HACD1: variants seen among roughly 807,000 people sequenced by gnomAD.
The protein encoded by HACD1 is 3-hydroxyacyl-CoA dehydratase 1, also known as very-long-chain (3R)-3-hydroxyacyl-CoA dehydratase 1.
HACD1 carries 41 observed loss-of-function variants against 32.0 expected under a neutral mutation model. That is an observed-to-expected ratio of 1.28 (90% confidence interval 1.00 to 1.66). HACD1 has a LOEUF of 1.66. Ranked by LOEUF, HACD1 falls within the 40% of genes most tolerant of loss-of-function variation. The pLI is 0.00. For synonymous variants in HACD1, 142 were observed against 139.0 expected (o/e 1.02, Z -0.15); for missense variants, 396 against 380.1 (o/e 1.04, Z -0.35).
intron 1 of HACD1, among the ~76,000 whole-genome samples, chr10:17,604,422 T>C (rs1225451866): frequency 1.4e-5 from 2 of 148,014 alleles, no homozygotes; most frequent in Non-Finnish European, 3.0e-5. Flanking sequence ...AGGCGGAGCT[T>C]GCAGTGAGGC....
Position 17,589,080 on chromosome 10 carries a change from G to A in HACD1, c.*1284C>T, listed in dbSNP as rs577369262. The A allele has an allele frequency of 6.6e-6, 1 of 152,232 alleles. No homozygotes were observed. Among genetic ancestry groups the A allele is most frequent in the Non-Finnish European group, 1.5e-5 (1 of 67,998 alleles). 9.4% of individuals were successfully genotyped at this position (152,232 alleles called of 1,614,324 possible). ...CACAAGGACAGGAACTTTATTACAA[G>A]ACCTTTTGCTATTCAATGGAATTCA... On this transcript the variant is annotated 3_prime_UTR_variant, in exon 7 of 7. Transcript: ENST00000361271.
At chr10:17,598,763 CT>C (rs1315429462) in intron 5 of HACD1, among the ~76,000 whole-genome samples, 1 of 152,072 alleles carries the variant, frequency 6.6e-6, no homozygotes, top group Non-Finnish European at 1.5e-5. Flanking sequence ...AAAACTGTTG[CT>C]TTAGGATATA....
At position 17,603,579 on chromosome 10, in the gene HACD1, A is replaced by T; in HGVS notation, c.464T>A (p.Ile155Asn). ...ACTTACTGGTTTTATACTGTGAGTAATGAGCCACACCATAAAGATTCTTGA... is the reference window on the plus strand; with the variant it reads ...ACTTACTGGTTTTATACTGTGAGTATTGAGCCACACCATAAAGATTCTTGA... ...VSSRIFMVWL[I>N]THSIKPIQNE... is the part of the protein sequence containing the mutation. The change falls in exon 4 of 7, where the codon ATT becomes AAT. Residue 155 changes from isoleucine to asparagine, a missense_variant. Coordinates refer to ENST00000361271, the MANE Select transcript of HACD1 (RefSeq NM_014241.4). 1 of 1,612,272 alleles carries T rather than the reference A, an allele frequency of 6.2e-7. No homozygotes were observed. The highest frequency in any genetic ancestry group is 8.5e-7 in the Non-Finnish European group (1 of 1,178,398).
At chr10:17,605,831 A>G (rs938566022) in intron 1 of HACD1, among the ~76,000 whole-genome samples, 22 of 150,878 alleles carry the variant, frequency 1.5e-4, no homozygotes, top group Admixed American at 3.3e-4. Context: ...GTGGGCACCT[A>G]TAGTGCCAGC....
In HACD1 at chr10:17,589,119, C is replaced by G. The variant is rs142766853; in HGVS notation, c.*1245G>C. Reference sequence around the variant, plus strand: ...CAATGGAATTCAGAATGAAAGGAGTCTGTCCAAAGATCATACCCCAAAATG... The same window carrying G: ...CAATGGAATTCAGAATGAAAGGAGTGTGTCCAAAGATCATACCCCAAAATG... On this transcript the variant is annotated 3_prime_UTR_variant, in exon 7 of 7. Transcript: ENST00000361271. 9 of 152,272 alleles carry G rather than the reference C, an allele frequency of 5.9e-5. No individual in the cohort carries two copies. The East Asian group carries it at 1.5e-3, about 26-fold the overall frequency. The allele number at this position is 152,272 out of a possible 1,614,324, so 9.4% of individuals were successfully genotyped here.
At chr10:17,609,400 G>A (rs910049240) in intron 1 of HACD1, among the ~76,000 whole-genome samples, 9 of 151,946 alleles carry the variant, frequency 5.9e-5, no homozygotes, top group Non-Finnish European at 1.2e-4. Flanking sequence ...TGATCCACTC[G>A]CCTCGCCCTC....
intron 6 of HACD1, among the ~76,000 whole-genome samples, chr10:17,591,769 T>G (rs1403383582): frequency 2.1e-5 from 2 of 95,942 alleles, no homozygotes; most frequent in Non-Finnish European, 4.9e-5. Flanking sequence ...CTTAGGCAAC[T>G]TTGGATAAAA....
Position 17,594,229 on chromosome 10 carries a change from T to C in HACD1, c.760A>G (p.Ile254Val). The C allele has an allele frequency of 6.3e-7, 1 of 1,577,654 alleles. No homozygotes were observed. Among genetic ancestry groups the C allele is most frequent in the Non-Finnish European group, 8.6e-7 (1 of 1,162,980 alleles). The change falls in exon 6 of 7, where the codon ATA (isoleucine) becomes GTA (valine). Residue 254 changes from isoleucine to valine, a missense_variant. By Grantham distance (29) the Ile-to-Val change is conservative (BLOSUM62 3). Coordinates refer to ENST00000361271, the MANE Select transcript of HACD1 (RefSeq NM_014241.4). ...VSFDYYYFLLITMASYIPLFP... is the reference protein window; with the variant it reads ...VSFDYYYFLLVTMASYIPLFP... ...CAAGGTATATATGATGCCATGGTTATAAGAAGAAAATAATAGTAGTCAAAA... is the reference window on the plus strand; with the variant it reads ...CAAGGTATATATGATGCCATGGTTACAAGAAGAAAATAATAGTAGTCAAAA...
At chr10:17,601,118 C>T (rs532181993) in intron 4 of HACD1, among the ~76,000 whole-genome samples, 3 of 152,022 alleles carry the variant, frequency 2.0e-5, no homozygotes, top group Admixed American at 1.3e-4. Context: ...ACTGCAACCT[C>T]TGCCTCTTGG....
chr10:17,606,406 A>G (rs1834149645), intron 1 of HACD1, among the ~76,000 whole-genome samples: 1 of 152,212 alleles, frequency 6.6e-6, no homozygotes, highest in Non-Finnish European at 1.5e-5. Context: ...AGCACGTTTA[A>G]GTTTAAGCAA....
At chr10:17,612,900 G>A (rs1159270306) in intron 1 of HACD1, among the ~76,000 whole-genome samples, 2 of 145,362 alleles carry the variant, frequency 1.4e-5, no homozygotes, top group African/African-American at 2.6e-5. Context: ...CCAGCTGGGT[G>A]ATAGAGCAAG....
In HACD1 at chr10:17,603,753, A is replaced by G; in HGVS notation, c.376-9T>C. On this transcript the variant is annotated splice_polypyrimidine_tract_variant and intron_variant, in intron 2 of 6. Transcript: ENST00000361271. The stretch of plus-strand genomic sequence containing the variant: ...ATTAAACAGTGAACTATCTGTAAGC[A>G]AATAGAAAAAAATCATTACGTCAAT... The G allele has an allele frequency of 6.3e-7, 1 of 1,591,246 alleles. No individual in the cohort carries two copies. The highest frequency in any genetic ancestry group is 8.6e-7 in the Non-Finnish European group (1 of 1,161,358).
chr10:17,600,174 G>A (rs1287676359), intron 4 of HACD1, among the ~76,000 whole-genome samples: 1 of 152,056 alleles, frequency 6.6e-6, no homozygotes, highest in Non-Finnish European at 1.5e-5. Flanking sequence ...TTTAACACAT[G>A]CTATTCACTC....
At chr10:17,599,443 C>T (rs1554816309) in intron 4 of HACD1, 32 bp from the exon 5 acceptor site, 1 of 1,587,772 alleles carries the variant, frequency 6.3e-7, no homozygotes, top group South Asian at 1.1e-5. Flanking sequence ...CAGTGTCATT[C>T]AACCTAGAAC....
At chr10:17,600,100 C>T (rs1554816363) in intron 4 of HACD1, among the ~76,000 whole-genome samples, 1 of 152,176 alleles carries the variant, frequency 6.6e-6, no homozygotes, top group Non-Finnish European at 1.5e-5. Flanking sequence ...AACCCTTCTA[C>T]CTACTTCTCT....
chr10:17,614,174 G>T (rs1833035215), intron 1 of HACD1, among the ~76,000 whole-genome samples: 3 of 152,336 alleles, frequency 2.0e-5, no homozygotes, highest in South Asian at 4.1e-4. Context: ...TGGGCACGGT[G>T]GCTCACACCT....
At chr10:17,595,799 C>T (rs1290279265) in intron 5 of HACD1, among the ~76,000 whole-genome samples, 4 of 151,680 alleles carry the variant, frequency 2.6e-5, no homozygotes, top group African/African-American at 7.3e-5. Flanking sequence ...CCACTCTGGG[C>T]GATATAGTAA....
chr10:17,600,783 C>A (rs1231428307), intron 4 of HACD1, among the ~76,000 whole-genome samples: 1 of 152,178 alleles, frequency 6.6e-6, no homozygotes, highest in Admixed American at 6.5e-5. Flanking sequence ...CAGACTAAGT[C>A]CTTAGGTATA....
Position 17,594,241 on chromosome 10 carries a change from AATAGT to A in HACD1, c.743_747del (p.Tyr248LeufsTer39), listed in dbSNP as rs1435802242. On this transcript the variant is annotated frameshift_variant, in exon 6 of 7. Coordinates refer to ENST00000361271, the MANE Select transcript of HACD1 (RefSeq NM_014241.4). LOFTEE classifies it high-confidence loss of function. ...GATGCCATGGTTATAAGAAGAAAAT[AATAGT>A]AGTCAAAAGAGACATTGTATTTGTT... The A allele has an allele frequency of 6.3e-7, 1 of 1,586,486 alleles. No homozygotes were observed. The highest frequency in any genetic ancestry group is 8.6e-7 in the Non-Finnish European group (1 of 1,167,772).
Sources: gnomAD v4.1 joint callset for allele counts (sites outside exome capture counted in the v4.1 genomes callset) on GRCh38, gnomAD v4.1.1 for gene constraint, MANE v1.5 for transcripts, NCBI Gene and HGNC (gene_info 2026-07-23, HGNC 2026-07-21) for gene names.